The following LTBP2 variants were observed in gnomAD, a reference collection of about 807,000 sequenced individuals.
LTBP2 encodes the protein latent transforming growth factor beta binding protein 2.
In LTBP2, 103 loss-of-function variants were observed where a neutral mutation model predicts 210.6. The observed-to-expected ratio is 0.49, with a 90% CI of 0.42 to 0.58. LTBP2 has a LOEUF of 0.58. LTBP2 is among the 20% of genes least tolerant of loss of function. The pLI, the probability that LTBP2 is intolerant of heterozygous loss-of-function variation, is 0.00. For missense variants in LTBP2, 2,313 were observed against 2,494.5 expected, an observed-to-expected ratio of 0.93 and a Z score of 1.55; for synonymous variants, 1,007 against 1,015.0, an observed-to-expected ratio of 0.99 and a Z score of 0.15.
intron 33 of LTBP2, 130 bp from the exon 34 acceptor site, chr14:74,503,064 C>T (rs2086932466): frequency 8.8e-6 from 13 of 1,473,552 alleles, no homozygotes; most frequent in Middle Eastern, 2.4e-4. Flanking sequence ...CTCTCCCCAC[C>T]TCTCCCCTGC....
chr14:74,577,789 G>GA (rs11427963), intron 3 of LTBP2, among the ~76,000 whole-genome samples: 85,508 of 151,432 alleles, frequency 0.56, 24,906 homozygotes, highest in African/African-American at 0.62. Context: ...TTACAGGCAT[G>GA]GCCAGCGCGC....
intron 2 of LTBP2, among the ~76,000 whole-genome samples, chr14:74,593,405 T>A (rs952584157): frequency 6.6e-6 from 1 of 152,224 alleles, no homozygotes; most frequent in Non-Finnish European, 1.5e-5. Context: ...CTGCATGACC[T>A]TGGACACATG....
At chr14:74,509,465 T>TC (rs2087040395) in intron 21 of LTBP2, 102 bp from the exon 22 acceptor site, 3 of 1,540,036 alleles carry the variant, frequency 1.9e-6, no homozygotes, top group Non-Finnish European at 8.9e-7. Flanking sequence ...CCTGGGGCTT[T>TC]CCTAAAACCC....
intron 3 of LTBP2, among the ~76,000 whole-genome samples, chr14:74,574,839 G>A (rs1004836185): frequency 3.9e-5 from 6 of 152,178 alleles, no homozygotes; most frequent in African/African-American, 9.7e-5. Flanking sequence ...CCAGATGTCC[G>A]CCTTCAGGCT....
Position 74,581,662 on chromosome 14 carries a change from G to A in LTBP2, c.830+4192C>T, listed in dbSNP as rs142577216. On this transcript the variant is annotated intron_variant, in intron 3 of 35. Coordinates refer to ENST00000261978, the MANE Select transcript of LTBP2 (RefSeq NM_000428.3). ...GATAACCTGAATGAGCGAGGAAACC[G>A]AGCCCCCCTAGAGCCCCAGGAGCCT... Among the ~76,000 whole-genome samples, 829 of 152,242 alleles carry A rather than the reference G, an allele frequency of 5.4e-3. 12 individuals are homozygous for A. The highest frequency in any genetic ancestry group is 0.019 in the African/African-American group (787 of 41,520).
chr14:74,554,692 G>A (rs1012025963), intron 4 of LTBP2, among the ~76,000 whole-genome samples: 1 of 152,084 alleles, frequency 6.6e-6, no homozygotes. Context: ...TGGGTACAAG[G>A]ATTCTATTTG....
chr14:74,534,434 G>T (rs192621760), intron 9 of LTBP2, among the ~76,000 whole-genome samples: 1 of 152,230 alleles, frequency 6.6e-6, no homozygotes, highest in East Asian at 1.9e-4. Flanking sequence ...CACATTGCCT[G>T]GAGAGCTTGC....
intron 9 of LTBP2, 38 bp from the exon 10 acceptor site, chr14:74,532,586 C>G (rs202203448): frequency 1.4e-5 from 23 of 1,611,520 alleles, no homozygotes; most frequent in Middle Eastern, 1.7e-4. Context: ...GCCCGCCCCA[C>G]GGAGGCCTGA....
intron 5 of LTBP2, 102 bp downstream of exon 5, chr14:74,552,788 CCA>C (rs2087677604): frequency 4.9e-6 from 7 of 1,428,282 alleles, no homozygotes; most frequent in Non-Finnish European, 6.7e-6. Flanking sequence ...ACTTGTGGAG[CCA>C]CAGTTTGGGA....
rs767135131 is a variant in LTBP2, at chr14:74,509,220, C to A, written c.3403+18G>T. On this transcript the variant is annotated intron_variant, in intron 22 of 35. Coordinates refer to ENST00000261978, the MANE Select transcript of LTBP2 (RefSeq NM_000428.3). ...GGGGGCATCCCATTTGTATCCTCTC[C>A]CACACAGAGGCTCATACCTTCACAG... is the stretch of plus-strand genomic sequence containing the variant. 6.2e-7 allele frequency: 1 copy of A among 1,613,342 alleles called. No individual in the cohort carries two copies. The highest frequency in any genetic ancestry group is 1.3e-5 in the African/African-American group (1 of 74,920).
chr14:74,508,142 C>T, intron 24 of LTBP2, 47 bp from the exon 25 acceptor site: 1 of 1,610,186 alleles, frequency 6.2e-7, no homozygotes, highest in Non-Finnish European at 8.5e-7. Flanking sequence ...GGTCCCTTCC[C>T]TGTTAGGGTC....
intron 8 of LTBP2, among the ~76,000 whole-genome samples, chr14:74,540,305 T>C (rs1409932053): frequency 6.6e-6 from 1 of 151,952 alleles, no homozygotes; most frequent in African/African-American, 2.4e-5. Flanking sequence ...AAACCCTGTC[T>C]CTACCAAAAA....
At chr14:74,510,472 G>A (rs976688863) in intron 19 of LTBP2, among the ~76,000 whole-genome samples, 7 of 152,204 alleles carry the variant, frequency 4.6e-5, no homozygotes, top group African/African-American at 7.2e-5. Flanking sequence ...AGGTCTCCCC[G>A]CCCTGGGGCT....
rs577826942 is a variant in LTBP2, at chr14:74,506,782, C to T, written c.3949G>A (p.Gly1317Ser). 19 of 1,614,030 alleles carry T rather than the reference C, an allele frequency of 1.2e-5. No homozygotes were observed. The highest frequency in any genetic ancestry group is 5.3e-5 in the African/African-American group (4 of 75,046). The change falls in exon 27 of 36, where the codon GGC becomes AGC. Residue 1317 changes from glycine (G) to serine (S), a missense_variant. Physicochemically the swap from Gly to Ser is moderately conservative, Grantham distance 56. Around this residue, in one of 3 missense-constraint regions of LTBP2, gnomAD observed 1,867 missense variants for 1,976.9 expected, o/e 0.94. Coordinates refer to ENST00000261978, the MANE Select transcript of LTBP2 (RefSeq NM_000428.3). ...CANDTMCGSH[G>S]FCDNTDGSFR... ...GAGCCATCAGTGTTGTCACAGAAGC[C>T]GTGGCTGCCACACATGGTGTCGTTG...
At chr14:74,585,782 G>A (rs2088195522) in intron 3 of LTBP2, 72 bp downstream of exon 3, 2 of 1,610,438 alleles carry the variant, frequency 1.2e-6, no homozygotes, top group Non-Finnish European at 1.7e-6. Context: ...TCACCAAACG[G>A]TCCAAAGGAA....
At position 74,595,128 on chromosome 14, in the gene LTBP2, C is replaced by T. The variant is rs148306474; in HGVS notation, c.565+8507G>A. Among the ~76,000 whole-genome samples, 523 of 152,358 alleles carry T rather than the reference C, an allele frequency of 3.4e-3. 7 individuals carry two copies. The highest frequency in any genetic ancestry group is 5.1e-3 in the Non-Finnish European group (345 of 68,032). On this transcript the variant is annotated intron_variant, in intron 2 of 35. Coordinates refer to ENST00000261978, the MANE Select transcript of LTBP2 (RefSeq NM_000428.3). ...TGCAGACGCTGTCTGGCAGACCAAGCGGGCCTCTACCGTTTGGGTTTGGCG... is the reference window on the plus strand; with the variant it reads ...TGCAGACGCTGTCTGGCAGACCAAGTGGGCCTCTACCGTTTGGGTTTGGCG...
intron 3 of LTBP2, among the ~76,000 whole-genome samples, chr14:74,560,622 C>A (rs1020474927): frequency 2.6e-5 from 4 of 152,248 alleles, no homozygotes; most frequent in South Asian, 2.1e-4. Context: ...CCTAGCCTGG[C>A]TGCTCTCCTC....
At chr14:74,566,070 G>GTT (rs74822677) in intron 3 of LTBP2, among the ~76,000 whole-genome samples, 55 of 148,158 alleles carry the variant, frequency 3.7e-4, no homozygotes, top group African/African-American at 1.2e-3. Flanking sequence ...CTATAGCTGG[G>GTT]TTTTTTTTTT....
intron 1 of LTBP2, 62 bp from the exon 2 acceptor site, chr14:74,603,767 C>T: frequency 4.3e-6 from 6 of 1,385,360 alleles, no homozygotes; most frequent in South Asian, 1.2e-5. Flanking sequence ...TATTCACAGC[C>T]CCTCCGACAG....
Sources: allele counts gnomAD v4.1 joint callset (sites outside exome capture counted in the v4.1 genomes callset), GRCh38; gene constraint gnomAD v4.1.1; regional missense constraint gnomAD v4.1.1; transcripts MANE v1.5; gene names NCBI Gene and HGNC (gene_info 2026-07-23, HGNC 2026-07-21).